The following DNAH6 variants were observed in gnomAD, a reference collection of about 807,000 sequenced individuals.
The protein encoded by DNAH6 is dynein axonemal heavy chain 6.
DNAH6 carries 340 observed loss-of-function variants against 491.4 expected under a neutral mutation model. The observed-to-expected ratio is 0.69, with a 90% CI of 0.63 to 0.76. The LOEUF (loss-of-function observed/expected upper bound fraction) is 0.76, where lower values mean the gene tolerates loss of function less well. Among genes scored for constraint, DNAH6 ranks in the 30% least tolerant of loss-of-function variants. The pLI, the probability that DNAH6 is intolerant of heterozygous loss-of-function variation, is 0.00. For synonymous variants in DNAH6, 1,603 were observed against 1,686.1 expected (o/e 0.95, Z 1.21); for missense variants, 4,443 against 4,972.2 (o/e 0.89, Z 3.20).
At chr2:84,637,111 T>C in intron 30 of DNAH6, 99 bp from the exon 31 acceptor site, 1 of 1,034,354 alleles carries the variant, frequency 9.7e-7, no homozygotes, top group Non-Finnish European at 1.4e-6. Flanking sequence ...GTCTTTGCTT[T>C]AGTGCTTCAT....
At chr2:84,692,477 ATAG>A (rs1694965673) in intron 45 of DNAH6, among the ~76,000 whole-genome samples, 2 of 139,146 alleles carry the variant, frequency 1.4e-5, no homozygotes, top group Admixed American at 7.2e-5. Flanking sequence ...AGATAGATAG[ATAG>A]ATAAATTTCC....
chr2:84,526,486 C>G (rs1676614889), intron 3 of DNAH6, among the ~76,000 whole-genome samples: 1 of 152,062 alleles, frequency 6.6e-6, no homozygotes. Flanking sequence ...TAAGAGCTCT[C>G]CTTAGTTGTT....
chr2:84,699,626 G>C lies in DNAH6; in HGVS notation c.7710G>C (p.Gln2570His). 1 of 1,551,648 alleles carries C rather than the reference G, an allele frequency of 6.4e-7. No homozygotes were observed. Among genetic ancestry groups the C allele is most frequent in the Non-Finnish European group, 8.7e-7 (1 of 1,146,956 alleles). The change falls in exon 48 of 77, where the codon CAG (glutamine) becomes CAC (histidine). Residue 2570 changes from glutamine (Q) to histidine (H), a missense_variant. Around this residue, in one of 3 missense-constraint regions of DNAH6, gnomAD observed 2,977 missense variants for 3,296.6 expected, o/e 0.90. Transcript: ENST00000389394. ...AATACTTTATCAGCAAAGTGCGTCA[G>C]AAGCTGCACATTGTTCTCTGCATGA... ...VFQYFISKVRQKLHIVLCMSP... is the reference protein window; with the variant it reads ...VFQYFISKVRHKLHIVLCMSP...
At position 84,727,734 on chromosome 2, in the gene DNAH6, A is replaced by G. The variant is rs745702155; in HGVS notation, c.10038A>G (p.Leu3346=). ...TENLQQRLDV[L]LEQTLLTAYV... Reference sequence around the variant, plus strand: ...ATCTACAACAGCGCCTGGACGTACTACTAGAACAAACTCTCCTAACTGCTT... The same window carrying G: ...ATCTACAACAGCGCCTGGACGTACTGCTAGAACAAACTCTCCTAACTGCTT... The change falls in exon 61 of 77, where the codon CTA becomes CTG. Residue 3346 remains leucine, a synonymous_variant. Coordinates refer to ENST00000389394, the MANE Select transcript of DNAH6 (RefSeq NM_001370.2). 1.3e-5 allele frequency: 20 copies of G among 1,551,622 alleles called. No individual in the cohort carries two copies. Among genetic ancestry groups the G allele is most frequent in the Non-Finnish European group, 1.7e-5 (19 of 1,146,878 alleles).
At chr2:84,771,767 CAGATAAACA>C (rs1457082445) in intron 64 of DNAH6, among the ~76,000 whole-genome samples, 2 of 152,010 alleles carry the variant, frequency 1.3e-5, no homozygotes, top group Non-Finnish European at 2.9e-5. Context: ...AAGATATTCC[CAGATAAACA>C]AAAACTGAGA....
intron 64 of DNAH6, among the ~76,000 whole-genome samples, chr2:84,765,739 G>A (rs1458983606): frequency 1.3e-5 from 2 of 151,758 alleles, no homozygotes; most frequent in African/African-American, 2.4e-5. Context: ...TACCTAAATA[G>A]GTATAAATAT....
At chr2:84,528,844 G>T in intron 3 of DNAH6, 60 bp from the exon 4 acceptor site, 1 of 1,433,210 alleles carries the variant, frequency 7.0e-7, no homozygotes, top group South Asian at 1.4e-5. Flanking sequence ...ATATTTTGTT[G>T]CTCTTGTGTG....
intron 4 of DNAH6, among the ~76,000 whole-genome samples, chr2:84,538,627 G>A (rs1469475975): frequency 6.6e-6 from 1 of 152,100 alleles, no homozygotes; most frequent in Non-Finnish European, 1.5e-5. Context: ...GTTAACAGAT[G>A]TGTTCTGTGA....
At chr2:84,817,864 G>A (rs1389045314) in intron 76 of DNAH6, among the ~76,000 whole-genome samples, 2 of 152,082 alleles carry the variant, frequency 1.3e-5, no homozygotes, top group African/African-American at 2.4e-5. Flanking sequence ...AGCAGCTCTC[G>A]CAAGAACTAA....
the DNAH6 span, among the ~76,000 whole-genome samples, chr2:84,488,395 A>G: frequency 6.6e-6 from 1 of 151,054 alleles, no homozygotes; most frequent in South Asian, 2.1e-4. Context: ...TTAAAAAATA[A>G]AAAAATAAAA....
At chr2:84,637,537 G>T (rs2104482211) in intron 31 of DNAH6, among the ~76,000 whole-genome samples, 160 bp downstream of exon 31, 1 of 152,252 alleles carries the variant, frequency 6.6e-6, no homozygotes, top group African/African-American at 2.4e-5. Context: ...GTTAAGTTCT[G>T]CATGTTTGTT....
intron 62 of DNAH6, among the ~76,000 whole-genome samples, chr2:84,734,146 C>CTTTT (rs11314819): frequency 1.5e-5 from 2 of 129,494 alleles, no homozygotes; most frequent in African/African-American, 2.9e-5. Flanking sequence ...TAAAACTACA[C>CTTTT]TTTTTTTTTT....
chr2:84,749,290 G>C (rs1673246525), intron 63 of DNAH6, among the ~76,000 whole-genome samples: 1 of 152,198 alleles, frequency 6.6e-6, no homozygotes, highest in Non-Finnish European at 1.5e-5. Context: ...GTTGGTAAGA[G>C]TAGTTATAGG....
rs1469905033 is a variant in DNAH6 at position 84,516,581 on chromosome 2, T to A, written c.-11T>A. The stretch of plus-strand genomic sequence containing the variant: ...TCGGCGGTGGTTGCTGTATTTTGAC[T>A]TGGTGAGTCCTGGGAACCGACCCTC... On this transcript the variant is annotated splice_region_variant and 5_prime_UTR_variant, in exon 1 of 77. The change creates a new upstream start codon in the 5' untranslated region. Coordinates refer to ENST00000389394, the MANE Select transcript of DNAH6 (RefSeq NM_001370.2). 6.6e-6 allele frequency: 1 copy of A among 152,050 alleles called. No individual in the cohort carries two copies. The highest frequency in any genetic ancestry group is 2.4e-5 in the African/African-American group (1 of 41,366). The allele number at this position is 152,050 out of a possible 1,614,324, so 9.4% of individuals were successfully genotyped here.
chr2:84,543,510 T>G (rs1269723858), intron 4 of DNAH6, among the ~76,000 whole-genome samples: 1 of 152,218 alleles, frequency 6.6e-6, no homozygotes, highest in African/African-American at 2.4e-5. Context: ...ATTCAATATT[T>G]CAGCATTATA....
chr2:84,698,517 C>A (rs1695598182), intron 47 of DNAH6, among the ~76,000 whole-genome samples: 1 of 152,216 alleles, frequency 6.6e-6, no homozygotes, highest in South Asian at 2.1e-4. Flanking sequence ...AGCAGGGAGC[C>A]ACTAAACCAG....
chr2:84,704,190 A>G lies in DNAH6; in HGVS notation c.8353A>G (p.Lys2785Glu). 2 of 1,552,044 alleles carry G rather than the reference A, an allele frequency of 1.3e-6. No individual in the cohort carries two copies. The highest frequency in any genetic ancestry group is 1.7e-6 in the Non-Finnish European group (2 of 1,147,042). The change falls in exon 51 of 77, where the codon AAA becomes GAA. Residue 2785 changes from lysine (K) to glutamate (E), a missense_variant. Physicochemically the swap from Lys to Glu is moderately conservative, Grantham distance 56 (BLOSUM62 1). Around this residue, in one of 3 missense-constraint regions of DNAH6, gnomAD observed 1,463 missense variants for 1,656.6 expected, o/e 0.88. Transcript: ENST00000389394. ...EALPALDAANKALDSLDKADI... is the reference protein window; with the variant it reads ...EALPALDAANEALDSLDKADI... ...ACTACCTGCACTAGATGCTGCCAAT[A>G]AAGCACTGGATTCCTTAGATAAGGC...
chr2:84,720,844 C>A (rs1389515692), intron 59 of DNAH6, among the ~76,000 whole-genome samples: 1 of 152,182 alleles, frequency 6.6e-6, no homozygotes, highest in African/African-American at 2.4e-5. Flanking sequence ...GGTAGATACA[C>A]ATGTGATGAC....
chr2:84,674,524 A>C (rs1693044503), intron 40 of DNAH6, among the ~76,000 whole-genome samples: 2 of 152,222 alleles, frequency 1.3e-5, no homozygotes, highest in African/African-American at 4.8e-5. Flanking sequence ...TGATGGGGTC[A>C]CAGGTAGTAG....
Sources: gnomAD v4.1 joint callset for allele counts (sites outside exome capture counted in the v4.1 genomes callset) on GRCh38, gnomAD v4.1.1 for gene constraint, gnomAD v4.1.1 regional missense constraint, MANE v1.5 for transcripts, NCBI Gene and HGNC (gene_info 2026-07-23, HGNC 2026-07-21) for gene names.